The following WDR4 variants were observed in gnomAD, a reference collection of about 807,000 sequenced individuals.
WDR4 encodes WDR4 tRNA N7-guanosine methyltransferase non-catalytic subunit, also known as tRNA (guanine-N(7)-)-methyltransferase non-catalytic subunit WDR4.
Under a neutral mutation model 48.6 loss-of-function variants are expected in WDR4, and 47 were observed. The observed-to-expected ratio is 0.97, with a 90% confidence interval of 0.77 to 1.23. The LOEUF (loss-of-function observed/expected upper bound fraction) is 1.23. Ranked by LOEUF, WDR4 falls within the 50% of genes most tolerant of loss-of-function variation. The probability of loss-of-function intolerance (pLI) is 0.00; values close to 1 mark genes in which losing one functional copy is unlikely to be tolerated. For missense variants in WDR4, 606 were observed against 551.6 expected, an observed-to-expected ratio of 1.10 and a Z score of -0.99; for synonymous variants, 268 against 230.0, an observed-to-expected ratio of 1.17 and a Z score of -1.49.
the WDR4 span, among the ~76,000 whole-genome samples, chr21:42,885,616 ATAT>A: frequency 6.8e-6 from 1 of 146,360 alleles, no homozygotes; most frequent in East Asian, 2.0e-4. Flanking sequence ...TCAAAAAAAA[ATAT>A]ATAGATAGAT....
In WDR4 at chr21:42,862,136, C is replaced by T. The variant is rs1006020892; in HGVS notation, c.566+146G>A. 11 of 666,984 alleles carry T rather than the reference C, an allele frequency of 1.6e-5. No individual in the cohort carries two copies. The highest frequency in any genetic ancestry group is 5.4e-5 in the African/African-American group (3 of 55,224). 41.3% of individuals were successfully genotyped at this position (666,984 alleles called of 1,614,324 possible). A position where few individuals can be genotyped will look rare whatever the true frequency, so the allele number is the denominator to read the frequency against. On this transcript the variant is annotated intron_variant, in intron 5 of 10. Transcript: ENST00000398208. This position sits in a 1 kb window ranked among gnomAD's most constrained non-coding sequence, Gnocchi z 4.3. ...AGGGCTTCTGCAGGCAGCACCACGG[C>T]GCCTGCAGTGACCAAACACCAAGCA...
At chr21:42,892,412 T>C in the WDR4 span, among the ~76,000 whole-genome samples, 13 of 152,312 alleles carry the variant, frequency 8.5e-5, no homozygotes, top group East Asian at 1.7e-3. Flanking sequence ...ATTTACTTGA[T>C]AGCAGACTCC....
chr21:42,883,274 C>CAAAAAAAA (rs56707881), upstream of WDR4, among the ~76,000 whole-genome samples: 1 of 77,762 alleles, frequency 1.3e-5, no homozygotes, highest in Admixed American at 1.7e-4. Context: ...GACTCTGTCT[C>CAAAAAAAA]AAAAAAAAAA....
rs143054230 is a variant in WDR4, at chr21:42,876,503, C to T, written c.155+199G>A. 9.7e-4 allele frequency among the ~76,000 whole-genome samples: 148 copies of T among 152,278 alleles called. 1 individual carries two copies. Among genetic ancestry groups the T allele is most frequent in the Middle Eastern group, 3.4e-3 (1 of 294 alleles). On this transcript the variant is annotated intron_variant, in intron 2 of 10. Transcript: ENST00000398208. Reference sequence around the variant, plus strand: ...TGCTGGGATTACAGGCATAAGCCACCGTGCTCAGCCAACAATGTACTCTTA... The same window carrying T: ...TGCTGGGATTACAGGCATAAGCCACTGTGCTCAGCCAACAATGTACTCTTA...
At chr21:42,853,876 C>G (rs2057911099) in intron 8 of WDR4, 124 bp from the exon 9 acceptor site, 3 of 1,044,546 alleles carry the variant, frequency 2.9e-6, no homozygotes, top group Admixed American at 2.7e-5. Context: ...CGCTGAAAGC[C>G]CCAGCTGCGC....
At chr21:42,881,444 T>C (rs778977752), upstream of WDR4, among the ~76,000 whole-genome samples, 2 of 152,178 alleles carry the variant, frequency 1.3e-5, no homozygotes, top group Non-Finnish European at 2.9e-5. Context: ...TCTATAAGTG[T>C]CTCAACATAT....
In WDR4 at chr21:42,849,876, C is replaced by T; in HGVS notation, c.*173G>A. The T allele has an allele frequency of 1.3e-6, 1 of 767,014 alleles. No homozygotes were observed. Among genetic ancestry groups the T allele is most frequent in the Non-Finnish European group, 2.0e-6 (1 of 492,924 alleles). 47.5% of individuals were successfully genotyped at this position (767,014 alleles called of 1,614,324 possible). ...AGGGGGCACAGGCACCCAGCAAGAG[C>T]CTGTGCTGGTGACACAGAATGTTCT... On this transcript the variant is annotated 3_prime_UTR_variant, in exon 11 of 11. Transcript: ENST00000398208.
At chr21:42,879,664 C>T, upstream of WDR4, 1 of 788,836 alleles carries the variant, frequency 1.3e-6, no homozygotes, top group South Asian at 2.0e-5. Context: ...CTGTGACCGC[C>T]CTCCGGGTTG....
intron 3 of WDR4, among the ~76,000 whole-genome samples, chr21:42,866,253 C>T (rs560907944): frequency 3.3e-5 from 5 of 152,314 alleles, no homozygotes; most frequent in Admixed American, 3.3e-4. Context: ...CCGTCCCTTG[C>T]GGTTCTAAAC....
chr21:42,872,148 C>A lies in WDR4; in HGVS notation c.296+1403G>T, dbSNP rs372114831. ...TACAGGCACGCACCACCATGCCCAG[C>A]TAATTTTGTATTTTTAGTAGAGACG... On this transcript the variant is annotated intron_variant, in intron 3 of 10. Coordinates refer to ENST00000398208, the MANE Select transcript of WDR4 (RefSeq NM_018669.6). Among the ~76,000 whole-genome samples the A allele has an allele frequency of 3.3e-5, 5 of 152,196 alleles. No individual in the cohort carries two copies. The South Asian group carries it at 1.0e-3, about 32-fold the overall frequency.
chr21:42,844,177 A>G (rs1209076392), intron 11 of WDR4, among the ~76,000 whole-genome samples: 1 of 152,226 alleles, frequency 6.6e-6, no homozygotes, highest in Non-Finnish European at 1.5e-5. Flanking sequence ...CCATGAGTCC[A>G]CAGCAAGCAG....
At chr21:42,884,352 T>G (rs1372894794), upstream of WDR4, among the ~76,000 whole-genome samples, 1 of 152,006 alleles carries the variant, frequency 6.6e-6, no homozygotes, top group Admixed American at 6.6e-5. Context: ...GAGCTGAGAT[T>G]GCGCCACTGC....
At chr21:42,866,671 G>T (rs2058253814) in intron 3 of WDR4, among the ~76,000 whole-genome samples, 1 of 151,904 alleles carries the variant, frequency 6.6e-6, no homozygotes, top group African/African-American at 2.4e-5. Flanking sequence ...AGCAGCTCCT[G>T]ATAAAACTCA....
chr21:42,866,190 T>G (rs2058242264), intron 3 of WDR4, among the ~76,000 whole-genome samples: 1 of 152,138 alleles, frequency 6.6e-6, no homozygotes, highest in Non-Finnish European at 1.5e-5. Flanking sequence ...TTGGAAAACC[T>G]GGCCTCAGTC....
chr21:42,885,619 T>TAATA, the WDR4 span, among the ~76,000 whole-genome samples: 2 of 151,502 alleles, frequency 1.3e-5, no homozygotes, highest in Non-Finnish European at 2.9e-5. Flanking sequence ...AAAAAAAATA[T>TAATA]ATAGATAGAT....
the WDR4 span, among the ~76,000 whole-genome samples, chr21:42,891,448 G>C: frequency 6.6e-6 from 1 of 152,014 alleles, no homozygotes; most frequent in African/African-American, 2.4e-5. Flanking sequence ...CTTGAGTGTT[G>C]CAACTCCAGC....
In WDR4 at chr21:42,850,125, C is replaced by T. The variant is rs750770792; in HGVS notation, c.1163G>A (p.Arg388Gln). ...GGGCCCAGGCGGGGGACTCCGGCGC[C>T]GCTGCTTCTTCTCTAGCTGCTGCTG... is the stretch of plus-strand genomic sequence containing the variant. ...RLQQQLEKKQ[R>Q]RRSPPPGPDG... is the part of the protein sequence containing the mutation. Residue 388 changes from arginine to glutamine, a missense_variant, in exon 11 of 11, where the codon CGG becomes CAG. Coordinates refer to ENST00000398208, the MANE Select transcript of WDR4 (RefSeq NM_018669.6). The T allele has an allele frequency of 3.7e-6, 6 of 1,613,956 alleles. No individual in the cohort carries two copies. Among genetic ancestry groups the T allele is most frequent in the African/African-American group, 2.7e-5 (2 of 74,950 alleles).
At chr21:42,875,159 C>T (rs2058463151) in intron 2 of WDR4, among the ~76,000 whole-genome samples, 1 of 152,136 alleles carries the variant, frequency 6.6e-6, no homozygotes, top group Non-Finnish European at 1.5e-5. Flanking sequence ...TGAATTTCCC[C>T]CAATACTTTG....
chr21:42,892,564 T>TTTG, the WDR4 span, among the ~76,000 whole-genome samples: 1 of 151,892 alleles, frequency 6.6e-6, no homozygotes, highest in African/African-American at 2.4e-5. Context: ...AAGCTGAAGG[T>TTTG]GGCACGTCCA....
Sources: allele counts gnomAD v4.1 joint callset (sites outside exome capture counted in the v4.1 genomes callset), GRCh38; gene constraint gnomAD v4.1.1; non-coding constraint Gnocchi (gnomAD v3.1); transcripts MANE v1.5; gene names NCBI Gene and HGNC (gene_info 2026-07-23, HGNC 2026-07-21).